The following GALNT6 variants were observed in gnomAD, a reference collection of about 807,000 sequenced individuals.
GALNT6 encodes GalNAc transferase 6.
In GALNT6, 51 loss-of-function variants were observed where a neutral mutation model predicts 65.9. The observed-to-expected ratio is 0.77, with a 90% CI of 0.62 to 0.98. The LOEUF (loss-of-function observed/expected upper bound fraction) is 0.98, where lower values mean the gene tolerates loss of function less well. Among genes scored for constraint, GALNT6 ranks in the 50% least tolerant of loss-of-function variants. The pLI, the probability that GALNT6 is intolerant of heterozygous loss-of-function variation, is 0.00. For missense variants in GALNT6, 708 were observed against 803.3 expected, an observed-to-expected ratio of 0.88 and a Z score of 1.43; for synonymous variants, 323 against 315.1, an observed-to-expected ratio of 1.02 and a Z score of -0.26.
At chr12:51,390,035 T>G (rs1947984814) in intron 2 of GALNT6, among the ~76,000 whole-genome samples, 1 of 152,126 alleles carries the variant, frequency 6.6e-6, no homozygotes, top group Non-Finnish European at 1.5e-5. Flanking sequence ...TTTCTCTGAT[T>G]ACCTCTGGGT....
intron 5 of GALNT6, among the ~76,000 whole-genome samples, chr12:51,364,812 C>A (rs781267446): frequency 1.1e-4 from 16 of 152,186 alleles, no homozygotes; most frequent in African/African-American, 3.4e-4. Flanking sequence ...AGCTTCTGCA[C>A]GTATTATTAC....
chr12:51,370,352 C>T (rs968916022), intron 4 of GALNT6, among the ~76,000 whole-genome samples: 2 of 152,160 alleles, frequency 1.3e-5, no homozygotes, highest in South Asian at 2.1e-4. Context: ...CGAGACCAGC[C>T]TGACCAACAC....
chr12:51,380,514 T>C (rs10783436), intron 2 of GALNT6, among the ~76,000 whole-genome samples: 60,027 of 152,174 alleles, frequency 0.39, 12,088 homozygotes, highest in Non-Finnish European at 0.45. Flanking sequence ...ATAGAAAATG[T>C]AAAAACATGC....
intron 6 of GALNT6, 73 bp downstream of exon 6, chr12:51,364,048 T>C: frequency 2.1e-6 from 2 of 973,050 alleles, no homozygotes; most frequent in Non-Finnish European, 3.3e-6. Context: ...AATGTTGATG[T>C]GAGATGGCAC....
intron 10 of GALNT6, among the ~76,000 whole-genome samples, 191 bp from the exon 11 acceptor site, chr12:51,356,149 C>CAT (rs958621391): frequency 6.4e-4 from 96 of 150,190 alleles, no homozygotes; most frequent in East Asian, 5.8e-4. Context: ...ATTTTATATA[C>CAT]ATATATATAT....
chr12:51,361,333 G>A (rs1166668185), intron 6 of GALNT6, among the ~76,000 whole-genome samples: 1 of 152,250 alleles, frequency 6.6e-6, no homozygotes, highest in Non-Finnish European at 1.5e-5. Flanking sequence ...ATTGTCAGCT[G>A]GGCTGACTCC....
At chr12:51,376,307 T>C (rs749190091) in intron 4 of GALNT6, among the ~76,000 whole-genome samples, 1 of 152,060 alleles carries the variant, frequency 6.6e-6, no homozygotes, top group African/African-American at 2.4e-5. Flanking sequence ...CTGTTACAGG[T>C]GCATCACTGC....
At chr12:51,375,605 T>G (rs545983016) in intron 4 of GALNT6, among the ~76,000 whole-genome samples, 72 of 151,544 alleles carry the variant, frequency 4.8e-4, no homozygotes, top group African/African-American at 1.6e-3. Flanking sequence ...TAGCCCAGGC[T>G]GGAGTGCAGT....
chr12:51,362,696 C>T (rs1160799565), intron 6 of GALNT6, among the ~76,000 whole-genome samples: 1 of 152,196 alleles, frequency 6.6e-6, no homozygotes, highest in Non-Finnish European at 1.5e-5. Flanking sequence ...ATGAAACAAA[C>T]ATTGGGTCAG....
intron 2 of GALNT6, among the ~76,000 whole-genome samples, chr12:51,390,156 CT>C (rs796243349): frequency 1.6e-4 from 19 of 116,300 alleles, no homozygotes; most frequent in African/African-American, 3.7e-4. Flanking sequence ...TTCTTTCTTT[CT>C]TTTTTTTTTT....
At chr12:51,366,487 C>A (rs1592326810) in intron 4 of GALNT6, among the ~76,000 whole-genome samples, 1 of 152,324 alleles carries the variant, frequency 6.6e-6, no homozygotes, top group Admixed American at 6.5e-5. Context: ...AAGGTGAAAA[C>A]ATGCCCAGCA....
intron 4 of GALNT6, among the ~76,000 whole-genome samples, chr12:51,373,748 T>A (rs942123922): frequency 2.6e-5 from 4 of 152,182 alleles, no homozygotes; most frequent in Non-Finnish European, 4.4e-5. Context: ...ACTGCCAAGC[T>A]CCTCCCATCT....
chr12:51,360,002 G>A (rs1006446293), intron 7 of GALNT6: 6 of 152,242 alleles, frequency 3.9e-5, no homozygotes, highest in African/African-American at 1.4e-4. Flanking sequence ...ATACATAATC[G>A]TTATAGTAAC....
intron 5 of GALNT6, among the ~76,000 whole-genome samples, chr12:51,365,056 G>A (rs971014177): frequency 6.6e-6 from 1 of 152,076 alleles, no homozygotes; most frequent in Non-Finnish European, 1.5e-5. Context: ...GGCCTTCCTG[G>A]CTCCATGTTG....
At chr12:51,361,912 G>C (rs1391820207) in intron 6 of GALNT6, among the ~76,000 whole-genome samples, 1 of 152,092 alleles carries the variant, frequency 6.6e-6, no homozygotes, top group Non-Finnish European at 1.5e-5. Flanking sequence ...CTTACACACA[G>C]CTGGGGCCCA....
intron 4 of GALNT6, among the ~76,000 whole-genome samples, chr12:51,369,384 G>A (rs1053365552): frequency 1.3e-5 from 2 of 152,106 alleles, no homozygotes; most frequent in Non-Finnish European, 2.9e-5. Flanking sequence ...CAGACCTACT[G>A]GACAGACCCA....
At chr12:51,380,321 C>T (rs1312948575) in intron 2 of GALNT6, among the ~76,000 whole-genome samples, 3 of 152,100 alleles carry the variant, frequency 2.0e-5, no homozygotes, top group African/African-American at 7.2e-5. Flanking sequence ...ACTTAAATGG[C>T]AACAAACTGG....
chr12:51,386,306 G>A (rs912101086), intron 2 of GALNT6, among the ~76,000 whole-genome samples: 7 of 152,138 alleles, frequency 4.6e-5, no homozygotes, highest in African/African-American at 1.2e-4. Context: ...ACTCATACCC[G>A]TGGAGGTTGA....
intron 2 of GALNT6, among the ~76,000 whole-genome samples, chr12:51,385,920 G>A (rs553605222): frequency 3.2e-4 from 48 of 151,934 alleles, no homozygotes; most frequent in Admixed American, 1.4e-3. Context: ...CTGCAGCCTC[G>A]ACCTCCCAGG....
Sources: allele counts gnomAD v4.1 joint callset (sites outside exome capture counted in the v4.1 genomes callset), GRCh38; gene constraint gnomAD v4.1.1; transcripts MANE v1.5; gene names NCBI Gene and HGNC (gene_info 2026-07-23, HGNC 2026-07-21).